The following RPS6KC1 variants were observed in gnomAD, a reference collection of about 807,000 sequenced individuals.
RPS6KC1 encodes ribosomal protein S6 kinase C1, also known as inactive ribosomal protein S6 kinase delta-1.
Under a neutral mutation model 103.8 loss-of-function variants are expected in RPS6KC1, and 54 were observed. The observed-to-expected ratio is 0.52, with a 90% confidence interval of 0.42 to 0.65. RPS6KC1 has a LOEUF of 0.65. Ranked by LOEUF, RPS6KC1 falls within the 30% of genes least tolerant of loss-of-function variation. The probability of loss-of-function intolerance (pLI) is 0.00; values close to 1 mark genes in which losing one functional copy is unlikely to be tolerated. For synonymous variants in RPS6KC1, 439 were observed against 438.7 expected (o/e 1.00, Z -0.01); for missense variants, 1,151 against 1,253.8 (o/e 0.92, Z 1.24).
the RPS6KC1 span, among the ~76,000 whole-genome samples, chr1:213,526,072 G>A: frequency 6.6e-6 from 1 of 152,170 alleles, no homozygotes; most frequent in South Asian, 2.1e-4. Flanking sequence ...AAATAGTCCA[G>A]TAGAGTGAGA....
chr1:213,564,955 T>C, the RPS6KC1 span, among the ~76,000 whole-genome samples: 26 of 152,368 alleles, frequency 1.7e-4, no homozygotes, highest in South Asian at 5.0e-3. Context: ...TTCAGAAGTA[T>C]GTTGTCAGCA....
the RPS6KC1 span, among the ~76,000 whole-genome samples, chr1:213,374,339 T>C: frequency 6.6e-6 from 1 of 152,238 alleles, no homozygotes; most frequent in African/African-American, 2.4e-5. Flanking sequence ...CTTTTATTTA[T>C]CCCAGTGTTT....
the RPS6KC1 span, among the ~76,000 whole-genome samples, chr1:213,585,819 G>A: frequency 1.3e-5 from 2 of 152,094 alleles, no homozygotes; most frequent in African/African-American, 2.4e-5. Context: ...ACATGGCATG[G>A]TATGGCAAAG....
the RPS6KC1 span, among the ~76,000 whole-genome samples, chr1:213,766,726 C>T: frequency 1.3e-5 from 2 of 152,202 alleles, no homozygotes; most frequent in Middle Eastern, 3.4e-3. Flanking sequence ...CATTCTCATA[C>T]CTCCCTGATT....
the RPS6KC1 span, among the ~76,000 whole-genome samples, chr1:213,427,377 A>C: frequency 6.6e-6 from 1 of 152,170 alleles, no homozygotes; most frequent in Non-Finnish European, 1.5e-5. Flanking sequence ...GCTTCCCTTG[A>C]ACCATATGCA....
At chr1:213,547,200 T>C in the RPS6KC1 span, among the ~76,000 whole-genome samples, 1 of 152,242 alleles carries the variant, frequency 6.6e-6, no homozygotes, top group Non-Finnish European at 1.5e-5. Flanking sequence ...CTGTTGATGC[T>C]GACCTCAGCC....
At chr1:213,416,668 G>A in the RPS6KC1 span, among the ~76,000 whole-genome samples, 1 of 152,210 alleles carries the variant, frequency 6.6e-6, no homozygotes, top group East Asian at 1.9e-4. Context: ...CTGGTGTCGT[G>A]CCTCCGCTGG....
the RPS6KC1 span, among the ~76,000 whole-genome samples, chr1:213,460,607 T>C: frequency 1.3e-5 from 2 of 152,188 alleles, no homozygotes; most frequent in African/African-American, 2.4e-5. Context: ...AATATTGTTA[T>C]GTGTGAATTT....
chr1:213,422,289 G>T, the RPS6KC1 span, among the ~76,000 whole-genome samples: 1 of 152,156 alleles, frequency 6.6e-6, no homozygotes, highest in Non-Finnish European at 1.5e-5. Context: ...TTAGCATAAT[G>T]TCTTCAAATG....
the RPS6KC1 span, among the ~76,000 whole-genome samples, chr1:213,489,960 A>G: frequency 6.6e-6 from 1 of 152,192 alleles, no homozygotes; most frequent in Non-Finnish European, 1.5e-5. Context: ...GGAGATCTCA[A>G]CAAGGAAGCA....
At chr1:213,125,164 A>G (rs538679242) in intron 5 of RPS6KC1, among the ~76,000 whole-genome samples, 8 of 152,264 alleles carry the variant, frequency 5.3e-5, no homozygotes, top group African/African-American at 1.9e-4. Context: ...AGAATTACCT[A>G]TAATCTTACC....
At chr1:213,761,260 G>A in the RPS6KC1 span, among the ~76,000 whole-genome samples, 3 of 152,254 alleles carry the variant, frequency 2.0e-5, no homozygotes, top group East Asian at 3.9e-4. Flanking sequence ...GCAGAGGAAT[G>A]ACAATTTATG....
intron 5 of RPS6KC1, among the ~76,000 whole-genome samples, chr1:213,122,808 CCCCAGT>C (rs2084546721): frequency 6.6e-6 from 1 of 151,900 alleles, no homozygotes; most frequent in South Asian, 2.1e-4. Flanking sequence ...TATTCCCTGC[CCCCAGT>C]TGAATTTTCC....
intron 2 of RPS6KC1, among the ~76,000 whole-genome samples, chr1:213,073,528 C>G (rs1436780577): frequency 6.6e-6 from 1 of 152,056 alleles, no homozygotes; most frequent in East Asian, 1.9e-4. Context: ...TTAACCTGTA[C>G]CTGTTTCTCT....
At chr1:213,243,262 A>G (rs967941533) in intron 12 of RPS6KC1, among the ~76,000 whole-genome samples, 5 of 147,762 alleles carry the variant, frequency 3.4e-5, no homozygotes, top group African/African-American at 1.3e-4. Context: ...GGTGCATGCC[A>G]TTATTCCTGG....
chr1:213,146,727 G>A (rs1159034212), intron 6 of RPS6KC1, among the ~76,000 whole-genome samples: 1 of 151,852 alleles, frequency 6.6e-6, no homozygotes, highest in Non-Finnish European at 1.5e-5. Flanking sequence ...GCCCGGCCGT[G>A]GGATTGCAAT....
At chr1:213,129,418 C>A in intron 5 of RPS6KC1, 109 bp from the exon 6 acceptor site, 1 of 1,212,304 alleles carries the variant, frequency 8.2e-7, no homozygotes, top group Non-Finnish European at 1.1e-6. Context: ...TAAATTACAG[C>A]CTTCCAAATT....
the RPS6KC1 span, among the ~76,000 whole-genome samples, chr1:213,414,173 G>A: frequency 1.3e-5 from 2 of 152,274 alleles, no homozygotes; most frequent in South Asian, 2.1e-4. Flanking sequence ...CCTTACCAAC[G>A]CCTTTCACTC....
At chr1:213,758,814 G>A in the RPS6KC1 span, among the ~76,000 whole-genome samples, 1 of 152,200 alleles carries the variant, frequency 6.6e-6, no homozygotes, top group Non-Finnish European at 1.5e-5. Context: ...TGAATAAGGA[G>A]TTGCTTTTTA....
Sources: gnomAD v4.1 joint callset for allele counts (sites outside exome capture counted in the v4.1 genomes callset) on GRCh38, gnomAD v4.1.1 for gene constraint, MANE v1.5 for transcripts, NCBI Gene and HGNC (gene_info 2026-07-23, HGNC 2026-07-21) for gene names.